SHISA9: variants seen among roughly 807,000 people sequenced by gnomAD.
The protein encoded by SHISA9 is shisa family member 9.
In SHISA9, 13 loss-of-function variants were observed where a neutral mutation model predicts 38.0. The ratio of observed to expected loss-of-function variants is 0.34; its 90% confidence interval spans 0.22 to 0.54. SHISA9 has a LOEUF of 0.54. Ranked by LOEUF, SHISA9 falls within the 20% of genes least tolerant of loss-of-function variation. SHISA9 has a pLI of 0.91. For synonymous variants in SHISA9, 275 were observed against 242.0 expected (o/e 1.14, Z -1.27); for missense variants, 538 against 575.8 (o/e 0.93, Z 0.67).
At chr16:13,057,977 G>A (rs994566921) in intron 2 of SHISA9, among the ~76,000 whole-genome samples, 2 of 152,140 alleles carry the variant, frequency 1.3e-5, no homozygotes, top group Non-Finnish European at 2.9e-5. Flanking sequence ...CAAAGGACAT[G>A]ATCTCGTTCC....
intron 2 of SHISA9, among the ~76,000 whole-genome samples, chr16:13,138,610 G>A (rs1327001769): frequency 6.6e-6 from 1 of 152,138 alleles, no homozygotes; most frequent in Non-Finnish European, 1.5e-5. Context: ...GTTGTCTTTT[G>A]TAGACTCTTG....
At chr16:13,288,941 G>A in the SHISA9 span, among the ~76,000 whole-genome samples, 1 of 152,146 alleles carries the variant, frequency 6.6e-6, no homozygotes, top group Non-Finnish European at 1.5e-5. Context: ...GTGAGGGAGT[G>A]AAGGCTTCAA....
intron 2 of SHISA9, among the ~76,000 whole-genome samples, chr16:13,167,946 T>C (rs1303879836): frequency 6.6e-6 from 1 of 152,228 alleles, no homozygotes; most frequent in Non-Finnish European, 1.5e-5. Context: ...GCAGGTCTTA[T>C]TACTCTTTCC....
At chr16:13,374,043 G>A in the SHISA9 span, among the ~76,000 whole-genome samples, 1 of 152,178 alleles carries the variant, frequency 6.6e-6, no homozygotes, top group Admixed American at 6.5e-5. Context: ...TCATGATGCA[G>A]TTTCAACAAA....
At chr16:12,985,801 C>T (rs577568802) in intron 2 of SHISA9, among the ~76,000 whole-genome samples, 401 of 152,302 alleles carry the variant, frequency 2.6e-3, no homozygotes, top group Non-Finnish European at 4.9e-3. Context: ...GCACCAGTGG[C>T]TCTTTCTCAG....
At chr16:13,436,756 C>G in the SHISA9 span, among the ~76,000 whole-genome samples, 4 of 149,164 alleles carry the variant, frequency 2.7e-5, no homozygotes, top group Non-Finnish European at 5.9e-5. Flanking sequence ...TAGTGACACA[C>G]AGTCAGAGAT....
chr16:13,263,818 G>T, the SHISA9 span, among the ~76,000 whole-genome samples: 1 of 151,918 alleles, frequency 6.6e-6, no homozygotes, highest in Non-Finnish European at 1.5e-5. Flanking sequence ...TGAATGATAG[G>T]TACATGAGAC....
chr16:13,317,823 T>C, the SHISA9 span, among the ~76,000 whole-genome samples: 61 of 152,344 alleles, frequency 4.0e-4, no homozygotes, highest in African/African-American at 1.4e-3. Context: ...TACAACTTCA[T>C]GATTTTTTTT....
chr16:12,902,189 C>CG lies in SHISA9; in HGVS notation c.131dup (p.Asn45GlnfsTer15). 1 of 1,529,262 alleles carries CG rather than the reference C, an allele frequency of 6.5e-7. No homozygotes were observed. 94.7% of individuals were successfully genotyped at this position (1,529,262 alleles called of 1,614,324 possible). On this transcript the variant is annotated frameshift_variant, in exon 1 of 5. Transcript: ENST00000558583. LOFTEE classifies it high-confidence loss of function. ...CAACTGGGCGGCGTGTTGCTGCTGG[C>CG]GGGGGGCAACCGCTCCGGGGCCGCC...
chr16:13,284,523 G>A, the SHISA9 span, among the ~76,000 whole-genome samples: 11 of 152,252 alleles, frequency 7.2e-5, no homozygotes, highest in Admixed American at 2.0e-4. Flanking sequence ...TTGAATAAAT[G>A]TGATTTACCT....
At chr16:13,274,023 G>T in the SHISA9 span, among the ~76,000 whole-genome samples, 1 of 152,118 alleles carries the variant, frequency 6.6e-6, no homozygotes, top group Non-Finnish European at 1.5e-5. Context: ...GTGTGACCTT[G>T]AAAAAAATCA....
chr16:12,984,038 A>G (rs1178611026), intron 2 of SHISA9, among the ~76,000 whole-genome samples: 1 of 152,132 alleles, frequency 6.6e-6, no homozygotes, highest in Admixed American at 6.5e-5. Context: ...TTGCTTCTTA[A>G]CATTGGTTTT....
Position 13,213,164 on chromosome 16 carries a change from G to A in SHISA9, c.848-89G>A, listed in dbSNP as rs944855125. ...TCCCTGCTTGGAGGCTGCAGCAGGG[G>A]CAGCCAACAGCACCTGGGTGTGAGG... On this transcript the variant is annotated intron_variant, in intron 3 of 4. Coordinates refer to ENST00000558583, the MANE Select transcript of SHISA9 (RefSeq NM_001145204.3). 7.7e-6 allele frequency: 9 copies of A among 1,175,284 alleles called. No individual in the cohort carries two copies. The South Asian group carries it at 1.1e-4, about 14-fold the overall frequency. The allele number at this position is 1,175,284 out of a possible 1,614,324, so 72.8% of individuals were successfully genotyped here. A position where few individuals can be genotyped will look rare whatever the true frequency, so the allele number is the denominator to read the frequency against.
the SHISA9 span, among the ~76,000 whole-genome samples, chr16:13,291,278 C>T: frequency 6.6e-6 from 1 of 152,252 alleles, no homozygotes; most frequent in South Asian, 2.1e-4. Context: ...TGATCAAAGC[C>T]AGTTACTGAG....
At chr16:12,920,111 C>T (rs9924621) in intron 2 of SHISA9, among the ~76,000 whole-genome samples, 37,830 of 150,730 alleles carry the variant, frequency 0.25, 5,265 homozygotes, top group Non-Finnish European at 0.31. Flanking sequence ...CCTGGATCAA[C>T]GTTTCTCACT....
the SHISA9 span, among the ~76,000 whole-genome samples, chr16:13,373,760 C>CAA: frequency 1.7e-5 from 2 of 119,196 alleles, no homozygotes; most frequent in Non-Finnish European, 3.5e-5. Flanking sequence ...GACTCCGTCT[C>CAA]AAAAAAAAAA....
chr16:13,169,723 G>A (rs760425130), intron 2 of SHISA9, among the ~76,000 whole-genome samples: 2 of 152,184 alleles, frequency 1.3e-5, no homozygotes, highest in Non-Finnish European at 1.5e-5. Flanking sequence ...CGTCTTTGTA[G>A]TATAGTCTTT....
intron 2 of SHISA9, among the ~76,000 whole-genome samples, chr16:13,123,180 A>T (rs961281234): frequency 1.3e-5 from 2 of 151,794 alleles, no homozygotes; most frequent in Non-Finnish European, 2.9e-5. Context: ...CTTCCTGAGG[A>T]TGTATGGGAG....
chr16:13,104,031 G>A (rs188728955), intron 2 of SHISA9, among the ~76,000 whole-genome samples: 8 of 152,188 alleles, frequency 5.3e-5, no homozygotes, highest in African/African-American at 1.7e-4. Flanking sequence ...TCTCCAAATT[G>A]CTCCAGGAGG....
Sources: allele counts gnomAD v4.1 joint callset (sites outside exome capture counted in the v4.1 genomes callset), GRCh38; gene constraint gnomAD v4.1.1; transcripts MANE v1.5; gene names NCBI Gene and HGNC (gene_info 2026-07-23, HGNC 2026-07-21).